SERINC5: variants seen among roughly 807,000 people sequenced by gnomAD.
SERINC5 encodes chromosome 5 open reading frame 12.
In SERINC5, 41 loss-of-function variants were observed where a neutral mutation model predicts 63.1. The observed-to-expected ratio is 0.65, with a 90% CI of 0.51 to 0.84. The LOEUF is 0.84. Ranked by LOEUF, SERINC5 falls within the 40% of genes least tolerant of loss-of-function variation. The pLI is 0.00. For synonymous variants in SERINC5, 222 were observed against 215.2 expected (o/e 1.03, Z -0.28); for missense variants, 523 against 573.0 (o/e 0.91, Z 0.89).
downstream of SERINC5, chr5:80,111,640 G>A (rs1187586316): frequency 6.6e-6 from 1 of 152,168 alleles, no homozygotes; most frequent in Non-Finnish European, 1.5e-5. Flanking sequence ...GAAGGGGGTG[G>A]GTAAGGAGCC....
intron 1 of SERINC5, among the ~76,000 whole-genome samples, chr5:80,248,899 C>T (rs545197168): frequency 6.6e-6 from 1 of 152,188 alleles, no homozygotes; most frequent in Non-Finnish European, 1.5e-5. Flanking sequence ...TGCCATCTAA[C>T]AGAGATGAAA....
chr5:80,135,496 T>C (rs1418592327), downstream of SERINC5, among the ~76,000 whole-genome samples: 1 of 152,172 alleles, frequency 6.6e-6, no homozygotes, highest in Non-Finnish European at 1.5e-5. Context: ...ACATTCCTTG[T>C]ACAATGTGAG....
At chr5:80,158,246 T>C (rs1746663363) in intron 8 of SERINC5, 1 of 152,460 alleles carries the variant, frequency 6.6e-6, no homozygotes, top group Admixed American at 6.5e-5. Flanking sequence ...ACCACAAGCA[T>C]CTGAAACACA....
intron 1 of SERINC5, among the ~76,000 whole-genome samples, chr5:80,244,719 G>A (rs1273834846): frequency 1.3e-5 from 2 of 152,076 alleles, no homozygotes; most frequent in Non-Finnish European, 2.9e-5. Flanking sequence ...CTACTCGGGA[G>A]GCTGAGGCAG....
At chr5:80,175,923 A>T (rs1022696213) in intron 4 of SERINC5, among the ~76,000 whole-genome samples, 32 of 150,806 alleles carry the variant, frequency 2.1e-4, no homozygotes, top group Non-Finnish European at 3.4e-4. Context: ...TCACACCTGT[A>T]AATCCCAGCA....
intron 2 of SERINC5, among the ~76,000 whole-genome samples, chr5:80,201,003 G>A (rs906978285): frequency 1.7e-4 from 26 of 152,242 alleles, no homozygotes; most frequent in African/African-American, 6.3e-4. Flanking sequence ...GGAGGCTGAG[G>A]TGGGAGAATT....
chr5:80,253,480 A>C (rs1752517537), intron 1 of SERINC5, among the ~76,000 whole-genome samples: 1 of 152,186 alleles, frequency 6.6e-6, no homozygotes, highest in Non-Finnish European at 1.5e-5. Context: ...TTCTAAGTGC[A>C]AATCAAACCA....
intron 9 of SERINC5, among the ~76,000 whole-genome samples, chr5:80,150,059 C>A (rs1746068341): frequency 1.3e-5 from 2 of 152,242 alleles, no homozygotes; most frequent in African/African-American, 4.8e-5. Flanking sequence ...AAACGCCCAC[C>A]TGATGGAACT....
At chr5:80,214,879 G>A (rs10055268) in intron 1 of SERINC5, among the ~76,000 whole-genome samples, 47,568 of 151,966 alleles carry the variant, frequency 0.31, 7,910 homozygotes, top group East Asian at 0.52. Flanking sequence ...CCTGGGCAAC[G>A]AGACTGAAAC....
intron 2 of SERINC5, among the ~76,000 whole-genome samples, chr5:80,180,820 G>A (rs1748371357): frequency 6.6e-6 from 1 of 152,220 alleles, no homozygotes; most frequent in Non-Finnish European, 1.5e-5. Context: ...TCTTTGTTCT[G>A]CACCTGGGAA....
At chr5:80,150,758 A>G in intron 9 of SERINC5, 124 bp downstream of exon 9, 1 of 762,714 alleles carries the variant, frequency 1.3e-6, no homozygotes, top group South Asian at 1.5e-5. Flanking sequence ...TCTATACAAA[A>G]ATCTTTCCTC....
chr5:80,220,694 G>A (rs1750861006), intron 1 of SERINC5, among the ~76,000 whole-genome samples: 1 of 152,112 alleles, frequency 6.6e-6, no homozygotes, highest in South Asian at 2.1e-4. Context: ...GCGCCTCTGA[G>A]TCACTGCCCT....
chr5:80,180,590 C>T (rs924848525), intron 2 of SERINC5, among the ~76,000 whole-genome samples: 2 of 152,162 alleles, frequency 1.3e-5, no homozygotes, highest in Non-Finnish European at 2.9e-5. Context: ...GTGGCTGGCG[C>T]TCCCAAAGAG....
At chr5:80,118,137 A>C (rs1344361685) in intron 11 of SERINC5, among the ~76,000 whole-genome samples, 1 of 152,068 alleles carries the variant, frequency 6.6e-6, no homozygotes, top group Non-Finnish European at 1.5e-5. Flanking sequence ...TGGGAGGCGG[A>C]GGTTGCAATG....
chr5:80,175,623 C>CT (rs1416358463), intron 4 of SERINC5, among the ~76,000 whole-genome samples: 1 of 152,006 alleles, frequency 6.6e-6, no homozygotes, highest in Non-Finnish European at 1.5e-5. Flanking sequence ...AATCCTAGCA[C>CT]TTTGGGAGGC....
At chr5:80,164,235 C>G (rs761231162) in intron 7 of SERINC5, among the ~76,000 whole-genome samples, 18 of 151,160 alleles carry the variant, frequency 1.2e-4, no homozygotes, top group Non-Finnish European at 2.2e-4. Flanking sequence ...TTGGTCTTCT[C>G]TCTTCTTGGT....
intron 4 of SERINC5, among the ~76,000 whole-genome samples, 165 bp downstream of exon 4, chr5:80,177,150 G>C (rs1748086892): frequency 6.6e-6 from 1 of 152,164 alleles, no homozygotes; most frequent in African/African-American, 2.4e-5. Flanking sequence ...GAGGTAGATA[G>C]GCAATGATGG....
intron 2 of SERINC5, among the ~76,000 whole-genome samples, chr5:80,202,469 A>G (rs1749905759): frequency 6.6e-6 from 1 of 152,088 alleles, no homozygotes; most frequent in Non-Finnish European, 1.5e-5. Context: ...GGGGCTGGGA[A>G]GGGGGTGGAT....
rs576094885 is a variant in SERINC5 at position 80,153,604 on chromosome 5, A to G, written c.987-2656T>C. Among the ~76,000 whole-genome samples the G allele has an allele frequency of 1.5e-3, 226 of 152,168 alleles. 1 individual carries two copies. The highest frequency in any genetic ancestry group is 2.6e-3 in the Non-Finnish European group (175 of 67,978). Reference sequence around the variant, plus strand: ...AATTCCTGGGTTACCTATAAGCCTTACCTCTTCCTGTGCTAAGATAGGTGT... The same window carrying G: ...AATTCCTGGGTTACCTATAAGCCTTGCCTCTTCCTGTGCTAAGATAGGTGT... On this transcript the variant is annotated intron_variant, in intron 8 of 11. Transcript: ENST00000507668.
Sources: gnomAD v4.1 joint callset for allele counts (sites outside exome capture counted in the v4.1 genomes callset) on GRCh38, gnomAD v4.1.1 for gene constraint, MANE v1.5 for transcripts, NCBI Gene and HGNC (gene_info 2026-07-23, HGNC 2026-07-21) for gene names.